ADARB2: variants seen among roughly 807,000 people sequenced by gnomAD.
ADARB2 encodes the protein adenosine deaminase RNA specific B2 (inactive).
Under a neutral mutation model 62.2 loss-of-function variants are expected in ADARB2, and 25 were observed. The observed-to-expected ratio is 0.40, with a 90% CI of 0.29 to 0.56. The LOEUF is 0.56. ADARB2 is among the 20% of genes least tolerant of loss of function. The pLI is 0.43. For missense variants in ADARB2, 1,071 were observed against 1,077.4 expected, an observed-to-expected ratio of 0.99 and a Z score of 0.08; for synonymous variants, 572 against 500.8, an observed-to-expected ratio of 1.14 and a Z score of -1.90.
intron 1 of ADARB2, among the ~76,000 whole-genome samples, chr10:1,643,808 C>T (rs1834004819): frequency 6.6e-6 from 1 of 152,108 alleles, no homozygotes; most frequent in Non-Finnish European, 1.5e-5. Flanking sequence ...AAACCCAATC[C>T]CAGATCTCTA....
chr10:1,737,010 G>A (rs780986947), intron 1 of ADARB2, 41 bp downstream of exon 1: 8 of 1,599,788 alleles, frequency 5.0e-6, no homozygotes, highest in Non-Finnish European at 6.8e-6. Context: ...AGAAGCCGGG[G>A]GTGAAGGGGG....
At chr10:1,437,462 G>A (rs566013837) in intron 1 of ADARB2, among the ~76,000 whole-genome samples, 35 of 152,304 alleles carry the variant, frequency 2.3e-4, no homozygotes, top group Admixed American at 1.7e-3. Context: ...CAGCCAGGAC[G>A]CTTACAGCAG....
intron 1 of ADARB2, among the ~76,000 whole-genome samples, chr10:1,547,108 C>G (rs1832532487): frequency 6.6e-6 from 1 of 152,230 alleles, no homozygotes; most frequent in African/African-American, 2.4e-5. Context: ...ATACTGTGGC[C>G]TGTCGGTCAC....
intron 7 of ADARB2, among the ~76,000 whole-genome samples, chr10:1,206,805 C>T (rs1837073667): frequency 6.6e-6 from 1 of 152,192 alleles, no homozygotes; most frequent in Admixed American, 6.5e-5. Flanking sequence ...CTCTTGTCCT[C>T]CTGACTGGAG....
chr10:1,630,985 AAACAAAC>A (rs1833835477), intron 1 of ADARB2, among the ~76,000 whole-genome samples: 1 of 151,928 alleles, frequency 6.6e-6, no homozygotes, highest in Non-Finnish European at 1.5e-5. Context: ...ACAAACAAAC[AAACAAAC>A]AAATAAATGA....
chr10:1,356,359 A>G (rs564550763), intron 3 of ADARB2, among the ~76,000 whole-genome samples: 3 of 152,362 alleles, frequency 2.0e-5, no homozygotes, highest in Admixed American at 1.3e-4. Flanking sequence ...TCCCAGAGAC[A>G]CAGGCAGCCA....
intron 7 of ADARB2, among the ~76,000 whole-genome samples, chr10:1,206,875 G>A (rs534459249): frequency 5.3e-5 from 8 of 152,352 alleles, no homozygotes; most frequent in African/African-American, 1.9e-4. Flanking sequence ...CACAGCATCT[G>A]GGCCGGGTCC....
At chr10:1,714,491 G>A (rs1240906127) in intron 1 of ADARB2, among the ~76,000 whole-genome samples, 1 of 152,206 alleles carries the variant, frequency 6.6e-6, no homozygotes, top group African/African-American at 2.4e-5. Flanking sequence ...CCCATTTAAT[G>A]CCTTTTTGAA....
intron 3 of ADARB2, among the ~76,000 whole-genome samples, chr10:1,354,458 T>C (rs1832174802): frequency 7.0e-6 from 1 of 142,704 alleles, no homozygotes; most frequent in South Asian, 2.6e-4. Context: ...CCCACCCCCA[T>C]CTCCCTTCGC....
intron 2 of ADARB2, among the ~76,000 whole-genome samples, chr10:1,370,940 A>G (rs966762365): frequency 6.6e-6 from 1 of 152,256 alleles, no homozygotes; most frequent in Non-Finnish European, 1.5e-5. Flanking sequence ...TCACAGAATT[A>G]GAAAAAACAA....
chr10:1,309,703 C>G (rs1376441810), intron 3 of ADARB2, among the ~76,000 whole-genome samples: 3 of 152,220 alleles, frequency 2.0e-5, no homozygotes, highest in African/African-American at 7.2e-5. Context: ...GTCTTCAGAT[C>G]CTAGAATCCA....
intron 1 of ADARB2, among the ~76,000 whole-genome samples, chr10:1,721,466 G>A (rs1339294103): frequency 6.6e-6 from 1 of 152,160 alleles, no homozygotes; most frequent in Admixed American, 6.5e-5. Flanking sequence ...ACTGAATTAG[G>A]TGGGCTTGCT....
intron 1 of ADARB2, among the ~76,000 whole-genome samples, chr10:1,514,193 A>ATATATATATATG (rs933457969): frequency 7.5e-6 from 1 of 133,814 alleles, no homozygotes; most frequent in Non-Finnish European, 1.6e-5. Flanking sequence ...ATATATATAT[A>ATATATATATATG]TATGTATATT....
chr10:1,420,578 A>G (rs1287800699), intron 1 of ADARB2, among the ~76,000 whole-genome samples: 1 of 151,302 alleles, frequency 6.6e-6, no homozygotes, highest in African/African-American at 2.4e-5. Flanking sequence ...AATCCTTGAT[A>G]AATGATGGCA....
intron 1 of ADARB2, among the ~76,000 whole-genome samples, chr10:1,570,491 G>C (rs373959542): frequency 6.6e-6 from 1 of 152,222 alleles, no homozygotes; most frequent in Non-Finnish European, 1.5e-5. Context: ...CCTCCCTCCC[G>C]AGTGTGTCTC....
intron 1 of ADARB2, among the ~76,000 whole-genome samples, chr10:1,388,818 G>A (rs985575736): frequency 1.3e-5 from 2 of 152,046 alleles, no homozygotes; most frequent in South Asian, 2.1e-4. Flanking sequence ...GATATGATTC[G>A]ATCTCAATCA....
chr10:1,613,798 C>T (rs11594204), intron 1 of ADARB2, among the ~76,000 whole-genome samples: 15,631 of 152,166 alleles, frequency 0.1, 973 homozygotes, highest in Middle Eastern at 0.14. Context: ...GATGGTGAGC[C>T]GAAAGCCCGC....
intron 3 of ADARB2, chr10:1,292,927 C>T (rs1308772077): frequency 3.0e-5 from 4 of 135,552 alleles, no homozygotes; most frequent in African/African-American, 1.3e-4. Context: ...TGCTAAGATA[C>T]ATAACATCCT....
intron 3 of ADARB2, among the ~76,000 whole-genome samples, chr10:1,282,742 A>G (rs1043815856): frequency 6.6e-6 from 1 of 152,328 alleles, no homozygotes. Context: ...AATTTTTTGC[A>G]TGCAAATTAC....
Sources: allele counts gnomAD v4.1 joint callset (sites outside exome capture counted in the v4.1 genomes callset), GRCh38; gene constraint gnomAD v4.1.1; transcripts MANE v1.5; gene names NCBI Gene and HGNC (gene_info 2026-07-23, HGNC 2026-07-21).